The following DENND4C variants were observed in gnomAD, a reference collection of about 807,000 sequenced individuals.
DENND4C encodes the protein DENN domain containing 4C.
DENND4C carries 108 observed loss-of-function variants against 203.0 expected under a neutral mutation model. The observed-to-expected ratio is 0.53, with a 90% confidence interval of 0.46 to 0.62. The LOEUF is 0.62. Among genes scored for constraint, DENND4C ranks in the 20% least tolerant of loss-of-function variants. The pLI is 0.00. For synonymous variants in DENND4C, 871 were observed against 792.4 expected (o/e 1.10, Z -1.67); for missense variants, 2,481 against 2,301.2 (o/e 1.08, Z -1.60).
chr9:19,359,316 A>G (rs911550618), intron 28 of DENND4C, among the ~76,000 whole-genome samples: 2 of 151,898 alleles, frequency 1.3e-5, no homozygotes, highest in Middle Eastern at 3.4e-3. Flanking sequence ...CCTGAGCTCA[A>G]GTGATCCTCC....
At chr9:19,310,128 A>T (rs960207937) in intron 10 of DENND4C, among the ~76,000 whole-genome samples, 3 of 152,130 alleles carry the variant, frequency 2.0e-5, no homozygotes, top group African/African-American at 7.2e-5. Context: ...TAGTGGTCTT[A>T]TATCTAGCAA....
At chr9:19,341,357 G>C (rs1331345275) in intron 21 of DENND4C, among the ~76,000 whole-genome samples, 1 of 147,952 alleles carries the variant, frequency 6.8e-6, no homozygotes, top group Non-Finnish European at 1.5e-5. Flanking sequence ...CTCTCGCCCA[G>C]GCTGAGTGCA....
intron 3 of DENND4C, among the ~76,000 whole-genome samples, chr9:19,287,799 C>T (rs1335075103): frequency 6.6e-6 from 1 of 152,028 alleles, no homozygotes; most frequent in Non-Finnish European, 1.5e-5. Context: ...GTGGCGTGAT[C>T]TTGGCTCACT....
intron 1 of DENND4C, among the ~76,000 whole-genome samples, chr9:19,251,317 A>T (rs1052643822): frequency 5.3e-5 from 8 of 152,150 alleles, no homozygotes; most frequent in African/African-American, 1.9e-4. Flanking sequence ...AGTGGCTGGG[A>T]TGCAGAGCAC....
rs766410712 is a variant in DENND4C, at chr9:19,335,125, G to C, written c.2589+20G>C. On this transcript the variant is annotated intron_variant, in intron 18 of 32. Transcript: ENST00000434457. Reference sequence around the variant, plus strand: ...AATAAGGTAAGTAGGATCGACATTAGGCAAGATGTGGTGTTTATTAAGAAT... The same window carrying C: ...AATAAGGTAAGTAGGATCGACATTACGCAAGATGTGGTGTTTATTAAGAAT... 1 of 1,497,936 alleles carries C rather than the reference G, an allele frequency of 6.7e-7. No homozygotes were observed. Among genetic ancestry groups the C allele is most frequent in the Admixed American group, 2.1e-5 (1 of 47,576 alleles). The allele number at this position is 1,497,936 out of a possible 1,614,324, so 92.8% of individuals were successfully genotyped here.
chr9:19,356,112 A>G (rs1216053762), intron 26 of DENND4C, among the ~76,000 whole-genome samples: 1 of 152,088 alleles, frequency 6.6e-6, no homozygotes, highest in Admixed American at 6.6e-5. Flanking sequence ...GAGCACGCAA[A>G]TATCTACCCC....
intron 2 of DENND4C, chr9:19,276,680 T>C: frequency 2.7e-6 from 1 of 372,652 alleles, no homozygotes; most frequent in Non-Finnish European, 4.7e-6. Context: ...TGCATTGCCT[T>C]GAATTGTTAG....
At chr9:19,362,017 T>A in intron 30 of DENND4C, 54 bp downstream of exon 30, 1 of 1,120,878 alleles carries the variant, frequency 8.9e-7, no homozygotes, top group Non-Finnish European at 1.3e-6. Flanking sequence ...CTCGCACCTG[T>A]AATGCCAGCA....
At chr9:19,354,545 T>C (rs944007073) in intron 26 of DENND4C, among the ~76,000 whole-genome samples, 1 of 140,730 alleles carries the variant, frequency 7.1e-6, no homozygotes, top group Non-Finnish European at 1.5e-5. Context: ...CTTGTTATTC[T>C]AGCCTTTTTT....
In DENND4C at chr9:19,341,049, A is replaced by G. The variant is rs1426552528; in HGVS notation, c.2939A>G (p.Glu980Gly). 6.2e-7 allele frequency: 1 copy of G among 1,613,414 alleles called. No individual in the cohort carries two copies. Among genetic ancestry groups the G allele is most frequent in the African/African-American group, 1.3e-5 (1 of 75,004 alleles). ...GATGAACTTATAAAGGATGATGCAGAAATTCATGTGCCTGAAGAACAGGCA... is the reference window on the plus strand; with the variant it reads ...GATGAACTTATAAAGGATGATGCAGGAATTCATGTGCCTGAAGAACAGGCA... ...SKDELIKDDA[E>G]IHVPEEQAAR... The change falls in exon 21 of 33, where the codon GAA becomes GGA. Residue 980 changes from glutamate (E) to glycine (G), a missense_variant. Around this residue, in one of 3 missense-constraint regions of DENND4C, gnomAD observed 2,289 missense variants for 2,113.3 expected, o/e 1.08. Transcript: ENST00000434457.
At chr9:19,273,196 C>G (rs10117132) in intron 1 of DENND4C, among the ~76,000 whole-genome samples, 75,418 of 151,430 alleles carry the variant, frequency 0.5, 19,841 homozygotes, top group South Asian at 0.65. Context: ...CGTGATCCAC[C>G]TGCCTCGGCC....
chr9:19,342,892 C>T, intron 22 of DENND4C, 113 bp downstream of exon 22: 5 of 849,416 alleles, frequency 5.9e-6, no homozygotes, highest in East Asian at 3.2e-5. Context: ...GCTAAAGAGC[C>T]AGAAGGGACT....
chr9:19,279,999 G>C (rs1439749034), intron 2 of DENND4C, among the ~76,000 whole-genome samples: 4 of 141,220 alleles, frequency 2.8e-5, no homozygotes, highest in Admixed American at 2.2e-4. Flanking sequence ...GGAGAAGGAA[G>C]GGTAGGAAAT....
chr9:19,299,139 A>G lies in DENND4C; in HGVS notation c.1108-90A>G, dbSNP rs1838042586. 13 of 922,066 alleles carry G rather than the reference A, an allele frequency of 1.4e-5. No individual in the cohort carries two copies. The South Asian group carries it at 2.1e-4, about 15-fold the overall frequency. The allele number at this position is 922,066 out of a possible 1,614,324, so 57.1% of individuals were successfully genotyped here. On this transcript the variant is annotated intron_variant, in intron 7 of 32. Transcript: ENST00000434457. ...ATGTTTTCAATATTACCTTTGATCT[A>G]AATATATAGATTTCAAAAGTAGTTT...
intron 23 of DENND4C, among the ~76,000 whole-genome samples, chr9:19,349,350 G>C (rs1405962270): frequency 6.6e-6 from 1 of 151,970 alleles, no homozygotes; most frequent in African/African-American, 2.4e-5. Flanking sequence ...AGAGGTCGCA[G>C]TGAGCCGAGA....
intron 10 of DENND4C, among the ~76,000 whole-genome samples, chr9:19,312,446 G>A (rs1840928662): frequency 6.6e-6 from 1 of 152,148 alleles, no homozygotes; most frequent in African/African-American, 2.4e-5. Context: ...ATTGTGTATT[G>A]CAGTGTGCTG....
chr9:19,307,492 G>A (rs1385094759), intron 10 of DENND4C, among the ~76,000 whole-genome samples: 3 of 151,082 alleles, frequency 2.0e-5, no homozygotes, highest in East Asian at 2.0e-4. Flanking sequence ...GAAATAGGCC[G>A]GGCACAGTGG....
At chr9:19,340,877 T>A in intron 20 of DENND4C, 115 bp from the exon 21 acceptor site, 1 of 891,186 alleles carries the variant, frequency 1.1e-6, no homozygotes, top group African/African-American at 1.8e-5. Context: ...TGCTTTCTTG[T>A]CTTCCTTTTG....
At chr9:19,348,581 G>T (rs1391886617) in intron 23 of DENND4C, among the ~76,000 whole-genome samples, 1 of 152,162 alleles carries the variant, frequency 6.6e-6, no homozygotes, top group Admixed American at 6.5e-5. Context: ...GTCTAAATTG[G>T]AATTAGAGAC....
Sources: gnomAD v4.1 joint callset for allele counts (sites outside exome capture counted in the v4.1 genomes callset) on GRCh38, gnomAD v4.1.1 for gene constraint, gnomAD v4.1.1 regional missense constraint, MANE v1.5 for transcripts, NCBI Gene and HGNC (gene_info 2026-07-23, HGNC 2026-07-21) for gene names.